EYS: variants seen among roughly 807,000 people sequenced by gnomAD.
EYS encodes EGF-like photoreceptor maintenance factor, also known as protein eyes shut homolog.
EYS carries 250 observed loss-of-function variants against 282.1 expected under a neutral mutation model. That is an observed-to-expected ratio of 0.89 (90% CI 0.80 to 0.98). The LOEUF (loss-of-function observed/expected upper bound fraction) is 0.98, where lower values mean the gene tolerates loss of function less well. Ranked by LOEUF, EYS falls within the 50% of genes least tolerant of loss-of-function variation. The pLI, the probability that EYS is intolerant of heterozygous loss-of-function variation, is 0.00. For synonymous variants in EYS, 1,355 were observed against 1,282.9 expected (o/e 1.06, Z -1.20); for missense variants, 4,016 against 3,709.0 (o/e 1.08, Z -2.15).
intron 24 of EYS, among the ~76,000 whole-genome samples, chr6:64,605,310 C>CA (rs1458542712): frequency 5.3e-5 from 8 of 151,686 alleles, no homozygotes; most frequent in Middle Eastern, 3.4e-3. Flanking sequence ...GTTTTAAAAG[C>CA]AAAAAAAGTT....
chr6:65,108,490 T>G (rs1307829453), intron 12 of EYS, among the ~76,000 whole-genome samples: 1 of 152,066 alleles, frequency 6.6e-6, no homozygotes, highest in Non-Finnish European at 1.5e-5. Context: ...TGGATATGGG[T>G]ATTGCCATGT....
At chr6:64,509,427 T>G (rs1777314422) in intron 26 of EYS, among the ~76,000 whole-genome samples, 1 of 152,174 alleles carries the variant, frequency 6.6e-6, no homozygotes, top group African/African-American at 2.4e-5. Flanking sequence ...CCACTGCTTC[T>G]GTGAAATTAT....
At chr6:65,318,034 A>AT (rs200694000) in intron 11 of EYS, among the ~76,000 whole-genome samples, 7,264 of 150,540 alleles carry the variant, frequency 0.048, 313 homozygotes, top group African/African-American at 0.12. Context: ...CGCCCAGCTA[A>AT]TTTTTTGTAT....
At chr6:63,910,423 G>A (rs756303032) in intron 35 of EYS, among the ~76,000 whole-genome samples, 20 of 152,132 alleles carry the variant, frequency 1.3e-4, no homozygotes, top group Non-Finnish European at 2.2e-4. Flanking sequence ...TCTGTGTACC[G>A]AAAGGTCATG....
intron 33 of EYS, among the ~76,000 whole-genome samples, chr6:64,037,537 A>G (rs1208615977): frequency 6.6e-6 from 1 of 152,218 alleles, no homozygotes; most frequent in African/African-American, 2.4e-5. Flanking sequence ...TGAAACATCC[A>G]TGGAAAAAAG....
At chr6:64,547,959 G>C (rs1277330459) in intron 26 of EYS, among the ~76,000 whole-genome samples, 1 of 152,210 alleles carries the variant, frequency 6.6e-6, no homozygotes, top group Non-Finnish European at 1.5e-5. Flanking sequence ...CAGCAGGGCT[G>C]GCCGGCAGCT....
intron 1 of EYS, among the ~76,000 whole-genome samples, chr6:65,699,401 TGGTTCATACTGG>T (rs1367224466): frequency 1.3e-5 from 2 of 152,030 alleles, no homozygotes; most frequent in Non-Finnish European, 2.9e-5. Flanking sequence ...CTCAATATTA[TGGTTCATACTGG>T]GCAATGGTAA....
At chr6:64,246,013 C>T (rs1290758387) in intron 30 of EYS, among the ~76,000 whole-genome samples, 2 of 48,058 alleles carry the variant, frequency 4.2e-5, no homozygotes, top group African/African-American at 8.0e-5. Flanking sequence ...AGCGAAACTC[C>T]GTCTCAAAAA....
At chr6:64,994,499 G>A (rs72875977) in intron 14 of EYS, among the ~76,000 whole-genome samples, 10,339 of 152,050 alleles carry the variant, frequency 0.068, 441 homozygotes, top group East Asian at 0.13. Context: ...CAAGCAGGCC[G>A]GTGACTCTTT....
chr6:65,037,163 T>A (rs893555445), intron 13 of EYS, among the ~76,000 whole-genome samples: 2 of 151,902 alleles, frequency 1.3e-5, no homozygotes, highest in South Asian at 4.1e-4. Flanking sequence ...TTTGTAGCAA[T>A]ATGGAAGGAG....
At chr6:64,684,026 G>C (rs1323494137) in intron 22 of EYS, among the ~76,000 whole-genome samples, 1 of 152,172 alleles carries the variant, frequency 6.6e-6, no homozygotes. Flanking sequence ...CAATAAACCT[G>C]TGTTGCTGTT....
intron 32 of EYS, among the ~76,000 whole-genome samples, chr6:64,076,408 T>G (rs1771772425): frequency 6.6e-6 from 1 of 151,922 alleles, no homozygotes; most frequent in Admixed American, 6.6e-5. Context: ...AAACACAGTT[T>G]CAGATTAAGA....
chr6:64,035,060 T>C (rs759813691), intron 33 of EYS, among the ~76,000 whole-genome samples: 23 of 152,180 alleles, frequency 1.5e-4, no homozygotes, highest in Non-Finnish European at 3.1e-4. Context: ...TACTGACATG[T>C]AGCATAGAGA....
At chr6:65,411,895 G>C (rs867863857) in intron 5 of EYS, among the ~76,000 whole-genome samples, 3 of 148,836 alleles carry the variant, frequency 2.0e-5, no homozygotes, top group African/African-American at 7.5e-5. Flanking sequence ...TTCACTTATT[G>C]AAGGACACTT....
At chr6:65,048,688 G>A (rs144852318) in intron 13 of EYS, among the ~76,000 whole-genome samples, 2 of 151,976 alleles carry the variant, frequency 1.3e-5, no homozygotes, top group East Asian at 3.9e-4. Flanking sequence ...GATTCAGTAT[G>A]CTTGAAGCTC....
intron 2 of EYS, among the ~76,000 whole-genome samples, chr6:65,611,406 A>ATCC (rs1765995043): frequency 6.6e-6 from 1 of 152,068 alleles, no homozygotes; most frequent in East Asian, 1.9e-4. Flanking sequence ...CAGTATGAAT[A>ATCC]TAATATGGGT....
chr6:64,261,541 C>T (rs1767589862), intron 30 of EYS, among the ~76,000 whole-genome samples: 1 of 152,032 alleles, frequency 6.6e-6, no homozygotes, highest in Non-Finnish European at 1.5e-5. Context: ...CCTTATGTCT[C>T]AGTAGCACTT....
chr6:64,666,084 T>G (rs913343881), intron 22 of EYS, among the ~76,000 whole-genome samples: 35 of 152,048 alleles, frequency 2.3e-4, no homozygotes, highest in African/African-American at 8.5e-4. Context: ...GAGGTCTAAG[T>G]GTGGAGAGTG....
At chr6:65,363,484 A>G (rs1449328114) in intron 8 of EYS, among the ~76,000 whole-genome samples, 1 of 151,902 alleles carries the variant, frequency 6.6e-6, no homozygotes, top group Admixed American at 6.6e-5. Flanking sequence ...CTTTAAGTAT[A>G]TGTCATTTTG....
Sources: allele counts gnomAD v4.1 joint callset (sites outside exome capture counted in the v4.1 genomes callset), GRCh38; gene constraint gnomAD v4.1.1; transcripts MANE v1.5; gene names NCBI Gene and HGNC (gene_info 2026-07-23, HGNC 2026-07-21).